Variants in OR4D9 observed in about 807,000 individuals in gnomAD.
OR4D9 encodes olfactory receptor 4D9.
A neutral mutation model predicts 0.8 loss-of-function variants in OR4D9; 2 were observed. The ratio of observed to expected loss-of-function variants is 2.58; its 90% CI spans 1.06 to 8.13. The LOEUF is 8.13. Among genes scored for constraint, OR4D9 ranks in the 30% most tolerant of loss-of-function variants. The pLI, the probability that OR4D9 is intolerant of heterozygous loss-of-function variation, is 0.04. For synonymous variants in OR4D9, 146 were observed against 151.2 expected (o/e 0.97, Z 0.25); for missense variants, 399 against 384.7 (o/e 1.04, Z -0.31).
In OR4D9 at chr11:59,515,238, G is replaced by T. The variant is rs138612923; in HGVS notation, c.326G>T (p.Gly109Val). 1.6e-4 allele frequency: 258 copies of T among 1,613,416 alleles called. No individual in the cohort carries two copies. The highest frequency in any genetic ancestry group is 1.9e-4 in the Non-Finnish European group (226 of 1,179,902). ...ATGTTCTTCTTCCACCTTCTGGGGG[G>T]AGCAGACGTTTTTTCTCTCTCTGTG... ...TQMFFFHLLG[G>V]ADVFSLSVMA... The change falls in exon 3 of 3, where the codon GGA becomes GTA. Residue 109 changes from glycine to valine, a missense_variant. Gly to Val is a moderately radical substitution (Grantham distance 109). Coordinates refer to ENST00000641962, the MANE Select transcript of OR4D9 (RefSeq NM_001004711.2).
intron 2 of OR4D9, 55 bp from the exon 3 acceptor site, chr11:59,514,828 A>G: frequency 1.1e-6 from 1 of 908,638 alleles, no homozygotes; most frequent in Non-Finnish European, 1.7e-6. Context: ...TGAAAAGACA[A>G]CACTAGATTT....
In OR4D9 at chr11:59,514,887, G is replaced by T. The variant is rs1022476414; in HGVS notation, c.-26G>T. ...CTGCACTATTATTTCTTCCAGAGAT[G>T]AACCTGATAAAGGATCTGTGATTCA... On this transcript the variant is annotated 5_prime_UTR_variant, in exon 3 of 3. An upstream start codon of the reference 5' UTR is lost. Transcript: ENST00000641962. The T allele has an allele frequency of 5.7e-6, 8 of 1,409,150 alleles. No homozygotes were observed. The highest frequency in any genetic ancestry group is 6.9e-6 in the Non-Finnish European group (7 of 1,007,912). 87.3% of individuals were successfully genotyped at this position (1,409,150 alleles called of 1,614,324 possible).
rs1324289217 is a variant in OR4D9 at position 59,516,154 on chromosome 11, C to G, written c.*297C>G. On this transcript the variant is annotated 3_prime_UTR_variant, in exon 3 of 3. Coordinates refer to ENST00000641962, the MANE Select transcript of OR4D9 (RefSeq NM_001004711.2). ...GCTGCAAAAAGATTAAATGTAGTCA[C>G]CTTCCTGGAGGCATAACCCAAAATA... The G allele has an allele frequency of 1.1e-5, 3 of 263,874 alleles. No individual in the cohort carries two copies. The highest frequency in any genetic ancestry group is 6.7e-5 in the African/African-American group (3 of 44,870). 16.3% of individuals were successfully genotyped at this position (263,874 alleles called of 1,614,324 possible). A position where few individuals can be genotyped will look rare whatever the true frequency, so the allele number is the denominator to read the frequency against.
chr11:59,515,665 C>A lies in OR4D9; in HGVS notation c.753C>A (p.Phe251Leu). ...ACATCACCGTGGTGACCCTGCATTTCGTGCCCTGCATCTATGTCTATGCCC... is the reference window on the plus strand; with the variant it reads ...ACATCACCGTGGTGACCCTGCATTTAGTGCCCTGCATCTATGTCTATGCCC... ...TSHITVVTLHFVPCIYVYARP... is the reference protein window; with the variant it reads ...TSHITVVTLHLVPCIYVYARP... Residue 251 changes from phenylalanine (F) to leucine (L), a missense_variant, in exon 3 of 3, where the codon TTC becomes TTA. Coordinates refer to ENST00000641962, the MANE Select transcript of OR4D9 (RefSeq NM_001004711.2). 1.2e-6 allele frequency: 2 copies of A among 1,614,186 alleles called. No homozygotes were observed. The highest frequency in any genetic ancestry group is 1.7e-6 in the Non-Finnish European group (2 of 1,180,028).
At position 59,515,584 on chromosome 11, in the gene OR4D9, G is replaced by T. The variant is rs1349949945; in HGVS notation, c.672G>T (p.Met224Ile). ...TATCTTACACGGTCATCTTGATGAT[G>T]CTGAGGTCTCACACTGGGGAAGGCA... ...LLISYTVILMMLRSHTGEGRR... is the reference protein window; with the variant it reads ...LLISYTVILMILRSHTGEGRR... The change falls in exon 3 of 3, where the codon ATG (methionine) becomes ATT (isoleucine). Residue 224 changes from methionine (M) to isoleucine (I), a missense_variant. By Grantham distance (10) the Met-to-Ile change is conservative. Transcript: ENST00000641962. The T allele has an allele frequency of 6.2e-7, 1 of 1,613,996 alleles. No individual in the cohort carries two copies. The highest frequency in any genetic ancestry group is 8.5e-7 in the Non-Finnish European group (1 of 1,180,030).
In OR4D9 at chr11:59,515,163, ATCT is replaced by A. The variant is rs776489960; in HGVS notation, c.255_257del (p.Leu86del). ...ATCACAGCTCCTAAGGTCCTGATAG[ATCT>A]TCTATCAGAGACAAAAACCATCTCC... On this transcript the variant is annotated inframe_deletion, in exon 3 of 3. Coordinates refer to ENST00000641962, the MANE Select transcript of OR4D9 (RefSeq NM_001004711.2). The A allele has an allele frequency of 1.2e-6, 2 of 1,614,044 alleles. No homozygotes were observed. Among genetic ancestry groups the A allele is most frequent in the East Asian group, 2.2e-5 (1 of 44,860 alleles).
At position 59,515,656 on chromosome 11, in the gene OR4D9, C is replaced by T; in HGVS notation, c.744C>T (p.Thr248=). ...GCACCTCCCACATCACCGTGGTGACCCTGCATTTCGTGCCCTGCATCTATG... is the reference window on the plus strand; with the variant it reads ...GCACCTCCCACATCACCGTGGTGACTCTGCATTTCGTGCCCTGCATCTATG... ...STCTSHITVV[T]LHFVPCIYVY... is the part of the protein sequence containing the mutation. The change falls in exon 3 of 3, where the codon ACC becomes ACT. Residue 248 remains threonine, a synonymous_variant. Coordinates refer to ENST00000641962, the MANE Select transcript of OR4D9 (RefSeq NM_001004711.2). The T allele has an allele frequency of 6.2e-7, 1 of 1,614,122 alleles. No individual in the cohort carries two copies. The highest frequency in any genetic ancestry group is 2.2e-5 in the East Asian group (1 of 44,884).
At position 59,515,297 on chromosome 11, in the gene OR4D9, C is replaced by G. The variant is rs569397866; in HGVS notation, c.385C>G (p.Pro129Ala). 8.1e-6 allele frequency: 13 copies of G among 1,612,774 alleles called. No homozygotes were observed. Among genetic ancestry groups the G allele is most frequent in the African/African-American group, 1.3e-5 (1 of 74,920 alleles). ...TGACCGCTATATAGCCATCTCCAAG[C>G]CCCTGCACTATATGACCATCATGAG... ...AFDRYIAISK[P>A]LHYMTIMSRG... The change falls in exon 3 of 3, where the codon CCC becomes GCC. Residue 129 changes from proline (P) to alanine (A), a missense_variant. Physicochemically the swap from Pro to Ala is conservative, Grantham distance 27 (BLOSUM62 -1). Transcript: ENST00000641962.
At position 59,520,588 on chromosome 11, in the gene OR4D9, T is replaced by C. The variant is rs1859464731; in HGVS notation, c.*4731T>C. On this transcript the variant is annotated 3_prime_UTR_variant, in exon 3 of 3. Transcript: ENST00000641962. ...AACTAACCTGCACATTGTGCACATGTACCCTAAAACTTAAAGTATAATAAT... is the reference window on the plus strand; with the variant it reads ...AACTAACCTGCACATTGTGCACATGCACCCTAAAACTTAAAGTATAATAAT... 1 of 151,952 alleles carries C rather than the reference T, an allele frequency of 6.6e-6. No homozygotes were observed. The highest frequency in any genetic ancestry group is 2.4e-5 in the African/African-American group (1 of 41,350). The allele number at this position is 151,952 out of a possible 1,614,324, so 9.4% of individuals were successfully genotyped here.
rs757121618 is a variant in OR4D9, at chr11:59,515,162, G to T, written c.250G>T (p.Asp84Tyr). ...CATCACAGCTCCTAAGGTCCTGATA[G>T]ATCTTCTATCAGAGACAAAAACCAT... The part of the protein sequence containing the change: ...SSITAPKVLI[D>Y]LLSETKTISF... The change falls in exon 3 of 3, where the codon GAT (aspartate) becomes TAT (tyrosine). Residue 84 changes from aspartate (D) to tyrosine (Y), a missense_variant. By Grantham distance (160) the Asp-to-Tyr change is radical. Coordinates refer to ENST00000641962, the MANE Select transcript of OR4D9 (RefSeq NM_001004711.2). 1 of 1,614,128 alleles carries T rather than the reference G, an allele frequency of 6.2e-7. No homozygotes were observed. Among genetic ancestry groups the T allele is most frequent in the Non-Finnish European group, 8.5e-7 (1 of 1,180,034 alleles).
Position 59,515,666 on chromosome 11 carries a change from G to A in OR4D9, c.754G>A (p.Val252Met), listed in dbSNP as rs371435849. The A allele has an allele frequency of 8.1e-5, 130 of 1,614,038 alleles. No individual in the cohort carries two copies. The highest frequency in any genetic ancestry group is 9.7e-5 in the Non-Finnish European group (115 of 1,179,990). The change falls in exon 3 of 3, where the codon GTG becomes ATG. Residue 252 changes from valine to methionine, a missense_variant. Physicochemically the swap from Val to Met is conservative, Grantham distance 21. Coordinates refer to ENST00000641962, the MANE Select transcript of OR4D9 (RefSeq NM_001004711.2). ...SHITVVTLHF[V>M]PCIYVYARPF... The stretch of plus-strand genomic sequence containing the variant: ...CATCACCGTGGTGACCCTGCATTTC[G>A]TGCCCTGCATCTATGTCTATGCCCG...
rs761518790 is a variant in OR4D9, at chr11:59,515,618, G to T, written c.706G>T (p.Ala236Ser). ...TCACACTGGGGAAGGCAGGAGGAAA[G>T]CCATCTCCACCTGCACCTCCCACAT... The part of the protein sequence containing the change: ...RSHTGEGRRK[A>S]ISTCTSHITV... The change falls in exon 3 of 3, where the codon GCC becomes TCC. Residue 236 changes from alanine (A) to serine (S), a missense_variant. Ala to Ser is a moderately conservative substitution (Grantham distance 99, BLOSUM62 1). Transcript: ENST00000641962. 6.2e-7 allele frequency: 1 copy of T among 1,614,078 alleles called. No homozygotes were observed. The highest frequency in any genetic ancestry group is 8.5e-7 in the Non-Finnish European group (1 of 1,180,004).
Position 59,516,048 on chromosome 11 carries a change from T to TAGG in OR4D9, c.*191_*192insAGG. On this transcript the variant is annotated 3_prime_UTR_variant, in exon 3 of 3. Transcript: ENST00000641962. ...CTAAGACAAAATCCACTCAAGTCTT[T>TAGG]CCCTACTCACTTTCAATTATTCATT... 1.8e-6 allele frequency: 1 copy of TAGG among 546,440 alleles called. No homozygotes were observed. The highest frequency in any genetic ancestry group is 1.9e-5 in the African/African-American group (1 of 53,148). The allele number at this position is 546,440 out of a possible 1,614,324, so 33.8% of individuals were successfully genotyped here.
intron 2 of OR4D9, 46 bp from the exon 3 acceptor site, chr11:59,514,837 T>C (rs1859378700): frequency 1.0e-6 from 1 of 986,624 alleles, no homozygotes; most frequent in Non-Finnish European, 1.5e-6. Context: ...AACACTAGAT[T>C]TTAGGACCTA....
chr11:59,513,185 C>T (rs1859352697), intron 1 of OR4D9, among the ~76,000 whole-genome samples: 1 of 152,124 alleles, frequency 6.6e-6, no homozygotes, highest in Non-Finnish European at 1.5e-5. Context: ...AGTGATTCTC[C>T]TGCCTCAGCC....
Position 59,517,950 on chromosome 11 carries a change from T to C in OR4D9, c.*2093T>C, listed in dbSNP as rs1859426052. The C allele has an allele frequency of 6.6e-6, 1 of 152,206 alleles. No individual in the cohort carries two copies. Among genetic ancestry groups the C allele is most frequent in the African/African-American group, 2.4e-5 (1 of 41,442 alleles). The allele number at this position is 152,206 out of a possible 1,614,324, so 9.4% of individuals were successfully genotyped here. A position where few individuals can be genotyped will look rare whatever the true frequency, so the allele number is the denominator to read the frequency against. On this transcript the variant is annotated 3_prime_UTR_variant, in exon 3 of 3. Coordinates refer to ENST00000641962, the MANE Select transcript of OR4D9 (RefSeq NM_001004711.2). ...ATGGGAAGCAACTGACTCCCCCTTATATAGCAGGATTAGCCAGATCCAAAT... is the reference window on the plus strand; with the variant it reads ...ATGGGAAGCAACTGACTCCCCCTTACATAGCAGGATTAGCCAGATCCAAAT...
rs779667983 is a variant in OR4D9, at chr11:59,518,867, C to T, written c.*3010C>T. 1.3e-5 allele frequency: 2 copies of T among 152,164 alleles called. No homozygotes were observed. The highest frequency in any genetic ancestry group is 2.9e-5 in the Non-Finnish European group (2 of 68,046). 9.4% of individuals were successfully genotyped at this position (152,164 alleles called of 1,614,324 possible). The stretch of plus-strand genomic sequence containing the variant: ...CCACTTTCATTGGCCAGCCCTTGGT[C>T]ACATAGCCTCACCTGACAGCAAGGG... On this transcript the variant is annotated 3_prime_UTR_variant, in exon 3 of 3. Coordinates refer to ENST00000641962, the MANE Select transcript of OR4D9 (RefSeq NM_001004711.2).
chr11:59,512,602 T>C (rs1169012382), intron 1 of OR4D9, among the ~76,000 whole-genome samples: 1 of 151,306 alleles, frequency 6.6e-6, no homozygotes, highest in Non-Finnish European at 1.5e-5. Flanking sequence ...GGCAGGTGGT[T>C]CACTTGAGCC....
chr11:59,514,324 T>C (rs887965382), intron 1 of OR4D9, among the ~76,000 whole-genome samples: 2 of 152,204 alleles, frequency 1.3e-5, no homozygotes, highest in Admixed American at 1.3e-4. Context: ...CAATCTGGCA[T>C]GTATATTGTG....
Sources: allele counts gnomAD v4.1 joint callset (sites outside exome capture counted in the v4.1 genomes callset), GRCh38; gene constraint gnomAD v4.1.1; transcripts MANE v1.5; gene names NCBI Gene and HGNC (gene_info 2026-07-23, HGNC 2026-07-21).